ZNF599: variants seen among roughly 807,000 people sequenced by gnomAD.
The protein encoded by ZNF599 is zinc finger protein 599.
ZNF599 carries 10 observed loss-of-function variants against 11.7 expected under a neutral mutation model. The observed-to-expected ratio is 0.86, with a 90% CI of 0.53 to 1.45. The LOEUF is 1.45. ZNF599 is among the 40% of genes most tolerant of loss of function. The pLI is 0.00. For synonymous variants in ZNF599, 232 were observed against 253.2 expected (o/e 0.92, Z 0.79); for missense variants, 688 against 713.6 (o/e 0.96, Z 0.41).
the ZNF599 span, among the ~76,000 whole-genome samples, chr19:34,803,400 G>GT: frequency 1.3e-5 from 2 of 152,196 alleles, no homozygotes; most frequent in African/African-American, 4.8e-5. Context: ...TCACACTGCA[G>GT]TATAGGAGTT....
At chr19:34,765,619 C>T in intron 3 of ZNF599, 1 of 703,092 alleles carries the variant, frequency 1.4e-6, no homozygotes, top group Non-Finnish European at 2.6e-6. Flanking sequence ...GATGATAACT[C>T]TTCCACAGAA....
In ZNF599 at chr19:34,760,386, T is replaced by C; in HGVS notation, c.415A>G (p.Thr139Ala). ...KIQEGNLRPG[T>A]NPHKEICPEK... is the part of the protein sequence containing the mutation. ...GGGCATATCTCTTTGTGGGGGTTTG[T>C]TCCTGGCCTCAAGTTCCCTTCCTGA... Residue 139 changes from threonine to alanine, a missense_variant, in exon 4 of 4, where the codon ACA becomes GCA. Thr to Ala is a moderately conservative substitution (Grantham distance 58). Transcript: ENST00000329285. 2 of 1,614,134 alleles carry C rather than the reference T, an allele frequency of 1.2e-6. No homozygotes were observed. The highest frequency in any genetic ancestry group is 1.7e-6 in the Non-Finnish European group (2 of 1,180,014).
chr19:34,777,908 C>A (rs1255862251), upstream of ZNF599, among the ~76,000 whole-genome samples: 1 of 151,724 alleles, frequency 6.6e-6, no homozygotes, highest in Non-Finnish European at 1.5e-5. Flanking sequence ...CAACACAGTG[C>A]CTGTAGTTAA....
intron 3 of ZNF599, among the ~76,000 whole-genome samples, chr19:34,766,666 G>A (rs2069145863): frequency 6.6e-6 from 1 of 152,150 alleles, no homozygotes; most frequent in East Asian, 1.9e-4. Context: ...TCAAATGTAG[G>A]CTAAGTGTAT....
chr19:34,777,476 TTAATATA>T (rs2069226201), upstream of ZNF599, among the ~76,000 whole-genome samples: 1 of 103,104 alleles, frequency 9.7e-6, no homozygotes, highest in Non-Finnish European at 1.8e-5. Context: ...TATATATTAA[TTAATATA>T]TAATATATGA....
rs1212156617 is a variant in ZNF599 at position 34,759,900 on chromosome 19, G to T, written c.901C>A (p.His301Asn). The change falls in exon 4 of 4, where the codon CAT becomes AAT. Residue 301 changes from histidine (H) to asparagine (N), a missense_variant. Transcript: ENST00000329285. ...AFTHRSSFIQ[H>N]NMTHTREKPF... The stretch of plus-strand genomic sequence containing the variant: ...TTTTCTCGAGTGTGAGTCATATTAT[G>T]CTGGATAAAAGAAGAGCGGTGGGTG... The T allele has an allele frequency of 6.2e-7, 1 of 1,614,154 alleles. No homozygotes were observed. Among genetic ancestry groups the T allele is most frequent in the Admixed American group, 1.7e-5 (1 of 60,024 alleles).
In ZNF599 at chr19:34,759,783, C is replaced by T. The variant is rs1376797127; in HGVS notation, c.1018G>A (p.Glu340Lys). The T allele has an allele frequency of 6.2e-6, 10 of 1,613,962 alleles. No homozygotes were observed. The highest frequency in any genetic ancestry group is 3.3e-4 in the Middle Eastern group (2 of 6,084). Reference protein sequence around the residue: ...MRIHTGKKLYECGECGKAFTH... With the variant: ...MRIHTGKKLYKCGECGKAFTH... ...AAGGCCTTTCCACATTCACCGCACT[C>T]ATAGAGTTTCTTTCCAGTATGAATC... The change falls in exon 4 of 4, where the codon GAG becomes AAG. Residue 340 changes from glutamate (E) to lysine (K), a missense_variant. Transcript: ENST00000329285.
the ZNF599 span, among the ~76,000 whole-genome samples, chr19:34,803,456 T>C: frequency 1.3e-5 from 2 of 152,142 alleles, no homozygotes; most frequent in Admixed American, 1.3e-4. Context: ...GAGAAGTGCA[T>C]GGCCACTTCC....
chr19:34,784,324 A>G, the ZNF599 span, among the ~76,000 whole-genome samples: 1 of 152,132 alleles, frequency 6.6e-6, no homozygotes. Context: ...TAAGTATACC[A>G]GTCATATTGG....
chr19:34,790,523 C>T, the ZNF599 span, among the ~76,000 whole-genome samples: 1 of 152,062 alleles, frequency 6.6e-6, no homozygotes, highest in Admixed American at 6.5e-5. Context: ...CACAGAAAGA[C>T]AAACACTGTG....
the ZNF599 span, among the ~76,000 whole-genome samples, chr19:34,778,945 A>G: frequency 2.6e-5 from 4 of 152,248 alleles, no homozygotes; most frequent in Non-Finnish European, 5.9e-5. Context: ...TTCCCAAATC[A>G]TGAGTCTTTA....
In ZNF599 at chr19:34,758,763, ACCAGGTCTCTCCCCTCGAT is replaced by A; in HGVS notation, c.*252_*270del. Reference sequence around the variant, plus strand: ...CATTTTACCTAAATGCATGTTAACCACCAGGTCTCTCCCCTCGATTATTCTCAGGTACAGTGTAAGGCTC... The same window carrying A: ...CATTTTACCTAAATGCATGTTAACCATATTCTCAGGTACAGTGTAAGGCTC... On this transcript the variant is annotated 3_prime_UTR_variant, in exon 4 of 4. Coordinates refer to ENST00000329285, the MANE Select transcript of ZNF599 (RefSeq NM_001007248.3). The A allele has an allele frequency of 3.0e-6, 1 of 329,182 alleles. No homozygotes were observed. The highest frequency in any genetic ancestry group is 5.5e-6 in the Non-Finnish European group (1 of 180,696). 20.4% of individuals were successfully genotyped at this position (329,182 alleles called of 1,614,324 possible). A position where few individuals can be genotyped will look rare whatever the true frequency, so the allele number is the denominator to read the frequency against.
intron 1 of ZNF599, among the ~76,000 whole-genome samples, chr19:34,770,299 C>G (rs531116126): frequency 3.9e-5 from 6 of 152,344 alleles, no homozygotes; most frequent in African/African-American, 1.4e-4. Context: ...AACCCACATC[C>G]CTCGGGTCCA....
chr19:34,785,638 G>C, the ZNF599 span, among the ~76,000 whole-genome samples: 1 of 152,124 alleles, frequency 6.6e-6, no homozygotes, highest in Non-Finnish European at 1.5e-5. Flanking sequence ...GAGCAGCTGA[G>C]GACCTAAAGG....
At chr19:34,777,542 C>G (rs59153313), upstream of ZNF599, among the ~76,000 whole-genome samples, 1 of 113,484 alleles carries the variant, frequency 8.8e-6, no homozygotes, top group African/African-American at 3.4e-5. Flanking sequence ...ATCTATATAT[C>G]TATATTATAT....
chr19:34,796,302 T>C, the ZNF599 span, among the ~76,000 whole-genome samples: 2 of 151,762 alleles, frequency 1.3e-5, no homozygotes, highest in African/African-American at 4.8e-5. Flanking sequence ...CAATGCCTAA[T>C]AGGAGCCCTT....
intron 3 of ZNF599, chr19:34,763,370 T>C (rs149525571): frequency 6.6e-6 from 1 of 152,328 alleles, no homozygotes; most frequent in Admixed American, 6.5e-5. Flanking sequence ...ATTATGAAAG[T>C]CAGAGGGGGG....
chr19:34,773,010 G>GCTGT lies in ZNF599; in HGVS notation c.-173_-170dup, dbSNP rs2069195512. The GCTGT allele has an allele frequency of 1.3e-6, 1 of 782,550 alleles. No homozygotes were observed. The allele number at this position is 782,550 out of a possible 1,614,324, so 48.5% of individuals were successfully genotyped here. A position where few individuals can be genotyped will look rare whatever the true frequency, so the allele number is the denominator to read the frequency against. ...CCTCTGCGCGCCGTGAGGACACAGG[G>GCTGT]CTGTCGCCAAGGCCCCAGGAAGGGT... On this transcript the variant is annotated 5_prime_UTR_variant, in exon 1 of 4. The change abolishes the stop of an existing upstream ORF in the 5' untranslated region. Transcript: ENST00000329285.
Position 34,760,345 on chromosome 19 carries a change from A to G in ZNF599, c.456T>C (p.Tyr152=). ...CATCTGGCTCCAAATCATCATGTTT[A>G]TAACTCAACTTCTCAGGGCATATCT... ...HKEICPEKLS[Y]KHDDLEPDDS... The change falls in exon 4 of 4, where the codon TAT becomes TAC. Residue 152 remains tyrosine, a synonymous_variant. Transcript: ENST00000329285. 3.7e-6 allele frequency: 6 copies of G among 1,614,204 alleles called. No homozygotes were observed. Among genetic ancestry groups the G allele is most frequent in the Non-Finnish European group, 4.2e-6 (5 of 1,180,032 alleles).
Sources: gnomAD v4.1 joint callset for allele counts (sites outside exome capture counted in the v4.1 genomes callset) on GRCh38, gnomAD v4.1.1 for gene constraint, MANE v1.5 for transcripts, NCBI Gene and HGNC (gene_info 2026-07-23, HGNC 2026-07-21) for gene names.